The following SUGCT variants were observed in gnomAD, a reference collection of about 807,000 sequenced individuals.
SUGCT encodes succinyl-CoA:glutarate CoA-transferase.
A neutral mutation model predicts 55.0 loss-of-function variants in SUGCT; 41 were observed. That is an observed-to-expected ratio of 0.74 (90% CI 0.58 to 0.97). The LOEUF is 0.97. Ranked by LOEUF, SUGCT falls within the 50% of genes least tolerant of loss-of-function variation. The probability of loss-of-function intolerance (pLI) is 0.00; values close to 1 mark genes in which losing one functional copy is unlikely to be tolerated. For missense variants in SUGCT, 568 were observed against 547.8 expected, an observed-to-expected ratio of 1.04 and a Z score of -0.37; for synonymous variants, 187 against 200.4, an observed-to-expected ratio of 0.93 and a Z score of 0.56.
In SUGCT at chr7:40,256,509, G is replaced by A. The variant is rs540154744; in HGVS notation, c.577-18004G>A. ...ATCAGAGACATTATTTGAGGAAAAT[G>A]CTTAAAAATTTTCTCATCTAAATAA... On this transcript the variant is annotated intron_variant, in intron 7 of 13. Transcript: ENST00000335693. Among the ~76,000 whole-genome samples, 72 of 152,238 alleles carry A rather than the reference G, an allele frequency of 4.7e-4. 2 individuals are homozygous for A. The highest frequency in any genetic ancestry group is 1.7e-3 in the African/African-American group (69 of 41,550).
chr7:40,765,936 T>G (rs890399866), intron 13 of SUGCT, among the ~76,000 whole-genome samples: 5 of 152,226 alleles, frequency 3.3e-5, no homozygotes, highest in African/African-American at 1.2e-4. Context: ...TTCTTTGGAC[T>G]ACTCTTTTTT....
chr7:40,586,192 T>G (rs1797369025), intron 12 of SUGCT, among the ~76,000 whole-genome samples: 2 of 152,134 alleles, frequency 1.3e-5, no homozygotes, highest in South Asian at 4.1e-4. Flanking sequence ...CTATATAGAA[T>G]TATATAGTTT....
At chr7:40,273,540 G>C (rs887487332) in intron 7 of SUGCT, among the ~76,000 whole-genome samples, 1 of 152,158 alleles carries the variant, frequency 6.6e-6, no homozygotes, top group African/African-American at 2.4e-5. Context: ...AATTTTGATA[G>C]GTGATTTTTA....
At chr7:40,942,647 A>G in the SUGCT span, among the ~76,000 whole-genome samples, 1 of 152,152 alleles carries the variant, frequency 6.6e-6, no homozygotes, top group African/African-American at 2.4e-5. Context: ...TATTCCCTCA[A>G]ATAAGTTTTC....
chr7:40,332,443 A>ATT (rs57902207), intron 9 of SUGCT, among the ~76,000 whole-genome samples: 2 of 139,354 alleles, frequency 1.4e-5, no homozygotes, highest in Non-Finnish European at 3.1e-5. Context: ...TCTGCATTGG[A>ATT]TTTTTTTTTT....
the SUGCT span, among the ~76,000 whole-genome samples, chr7:40,878,148 TC>T: frequency 6.6e-6 from 1 of 152,228 alleles, no homozygotes; most frequent in Non-Finnish European, 1.5e-5. Context: ...TTTCCAGCAG[TC>T]CTTTCTACTA....
At chr7:40,540,208 T>C (rs1794598134) in intron 12 of SUGCT, among the ~76,000 whole-genome samples, 1 of 152,252 alleles carries the variant, frequency 6.6e-6, no homozygotes, top group African/African-American at 2.4e-5. Flanking sequence ...TATTTATTGC[T>C]GTAATCTTGA....
At chr7:40,527,186 T>C (rs565441301) in intron 12 of SUGCT, among the ~76,000 whole-genome samples, 21 of 152,248 alleles carry the variant, frequency 1.4e-4, no homozygotes, top group Non-Finnish European at 1.3e-4. Flanking sequence ...AAAAAGGTTC[T>C]GTGTGATCAT....
At chr7:40,662,402 C>A (rs1801374404) in intron 12 of SUGCT, among the ~76,000 whole-genome samples, 1 of 152,202 alleles carries the variant, frequency 6.6e-6, no homozygotes. Flanking sequence ...CATGTTATTT[C>A]TCTGCTTAGA....
intron 12 of SUGCT, among the ~76,000 whole-genome samples, chr7:40,669,176 C>T (rs1382090424): frequency 3.9e-5 from 6 of 151,990 alleles, no homozygotes; most frequent in African/African-American, 1.4e-4. Flanking sequence ...TGAGTGGTTT[C>T]CTCCTCTCCA....
At chr7:40,804,010 G>A (rs1790956596) in intron 13 of SUGCT, among the ~76,000 whole-genome samples, 1 of 152,172 alleles carries the variant, frequency 6.6e-6, no homozygotes, top group Admixed American at 6.5e-5. Context: ...ATGAAAAGCA[G>A]TCTATGGTAG....
intron 13 of SUGCT, chr7:40,782,467 G>A (rs1387935101): frequency 6.6e-6 from 1 of 152,140 alleles, no homozygotes; most frequent in East Asian, 1.9e-4. Context: ...ATATAAGGAA[G>A]TTAGGTAGTA....
chr7:40,139,053 C>T (rs1057488239), intron 1 of SUGCT, among the ~76,000 whole-genome samples: 1 of 151,802 alleles, frequency 6.6e-6, no homozygotes, highest in Non-Finnish European at 1.5e-5. Context: ...GTGGGTGGAT[C>T]ACCTGAGGTC....
At chr7:40,630,677 A>C (rs1185573964) in intron 12 of SUGCT, among the ~76,000 whole-genome samples, 2 of 152,202 alleles carry the variant, frequency 1.3e-5, no homozygotes, top group Admixed American at 1.3e-4. Flanking sequence ...TAACTTTCTG[A>C]ATCCTCATGA....
intron 10 of SUGCT, 101 bp downstream of exon 10, chr7:40,449,459 A>G (rs1789070698): frequency 2.6e-6 from 2 of 779,676 alleles, no homozygotes; most frequent in South Asian, 3.0e-5. Context: ...TGTGTTAGCA[A>G]CTAAAAGTAT....
At chr7:40,420,885 C>T (rs935901096) in intron 9 of SUGCT, among the ~76,000 whole-genome samples, 8 of 152,132 alleles carry the variant, frequency 5.3e-5, no homozygotes, top group Admixed American at 5.2e-4. Context: ...AAGGTCTCTT[C>T]TCTGTTCACC....
At chr7:40,274,491 C>T (rs1490564270) in intron 7 of SUGCT, 22 bp from the exon 8 acceptor site, 2 of 1,599,528 alleles carry the variant, frequency 1.3e-6, no homozygotes, top group East Asian at 4.5e-5. Flanking sequence ...TTTCTTCTTT[C>T]TCAACCCAAC....
chr7:40,299,323 C>G (rs1293699419), intron 8 of SUGCT, among the ~76,000 whole-genome samples: 2 of 152,192 alleles, frequency 1.3e-5, no homozygotes, highest in Non-Finnish European at 2.9e-5. Context: ...GCATGTGCTA[C>G]CACGTGACAT....
At chr7:40,223,502 ATAGT>A (rs1788164141) in intron 6 of SUGCT, among the ~76,000 whole-genome samples, 1 of 152,160 alleles carries the variant, frequency 6.6e-6, no homozygotes, top group African/African-American at 2.4e-5. Flanking sequence ...CACCCATTAG[ATAGT>A]TATTCTATAA....
Sources: allele counts gnomAD v4.1 joint callset (sites outside exome capture counted in the v4.1 genomes callset), GRCh38; gene constraint gnomAD v4.1.1; transcripts MANE v1.5; gene names NCBI Gene and HGNC (gene_info 2026-07-23, HGNC 2026-07-21).